The following PTGER4 variants were observed in gnomAD, a reference collection of about 807,000 sequenced individuals.
PTGER4 encodes the protein prostaglandin E2 receptor EP4 subtype.
In PTGER4, 11 loss-of-function variants were observed where a neutral mutation model predicts 33.2. The ratio of observed to expected loss-of-function variants is 0.33; its 90% CI spans 0.21 to 0.55. The LOEUF is 0.55. PTGER4 is among the 20% of genes least tolerant of loss of function. The pLI, the probability that PTGER4 is intolerant of heterozygous loss-of-function variation, is 0.92. For missense variants in PTGER4, 481 were observed against 650.2 expected, an observed-to-expected ratio of 0.74 and a Z score of 2.83; for synonymous variants, 275 against 281.5, an observed-to-expected ratio of 0.98 and a Z score of 0.23.
the PTGER4 span, among the ~76,000 whole-genome samples, chr5:40,708,882 G>T: frequency 6.6e-6 from 1 of 151,908 alleles, no homozygotes; most frequent in Admixed American, 6.6e-5. Flanking sequence ...TTCAACATAT[G>T]CAAATCAATA....
the PTGER4 span, among the ~76,000 whole-genome samples, chr5:40,704,039 A>G: frequency 2.0e-5 from 3 of 151,466 alleles, no homozygotes; most frequent in East Asian, 5.8e-4. Flanking sequence ...AAAAAAGAAA[A>G]CTTCAGGCCA....
chr5:40,725,516 T>C, the PTGER4 span, among the ~76,000 whole-genome samples: 1 of 152,152 alleles, frequency 6.6e-6, no homozygotes, highest in Non-Finnish European at 1.5e-5. Context: ...TATTGCACAT[T>C]GGCATGAAGA....
intron 2 of PTGER4, among the ~76,000 whole-genome samples, chr5:40,685,740 C>T (rs1741307737): frequency 6.6e-6 from 1 of 152,222 alleles, no homozygotes; most frequent in African/African-American, 2.4e-5. Flanking sequence ...GTTTCCCAAG[C>T]TGCAAATGAA....
At chr5:40,699,466 T>C in the PTGER4 span, among the ~76,000 whole-genome samples, 6 of 152,248 alleles carry the variant, frequency 3.9e-5, no homozygotes, top group African/African-American at 1.4e-4. Context: ...AGAAACTATA[T>C]TGAAAAGAGT....
the PTGER4 span, among the ~76,000 whole-genome samples, chr5:40,723,982 AAAAATT>A: frequency 6.6e-6 from 1 of 152,240 alleles, no homozygotes; most frequent in South Asian, 2.1e-4. Flanking sequence ...AGTTTCTTCA[AAAAATT>A]AAAATTAGAA....
the PTGER4 span, among the ~76,000 whole-genome samples, chr5:40,720,358 G>A: frequency 6.6e-6 from 1 of 152,124 alleles, no homozygotes; most frequent in Non-Finnish European, 1.5e-5. Flanking sequence ...CTGTAAAAAT[G>A]TAGGTTTATT....
At chr5:40,726,296 T>C in the PTGER4 span, among the ~76,000 whole-genome samples, 4 of 151,848 alleles carry the variant, frequency 2.6e-5, no homozygotes, top group Non-Finnish European at 5.9e-5. Flanking sequence ...CATGGAGATA[T>C]ACCCAACTAC....
the PTGER4 span, chr5:40,716,401 T>C: frequency 6.2e-7 from 1 of 1,614,020 alleles, no homozygotes; most frequent in Non-Finnish European, 8.5e-7. Flanking sequence ...TGCTACCTTC[T>C]GCTGCTCCTG....
At chr5:40,716,234 C>T in the PTGER4 span, 1 of 1,614,200 alleles carries the variant, frequency 6.2e-7, no homozygotes, top group South Asian at 1.1e-5. Context: ...GAAGCAGACA[C>T]AATAACCATT....
At chr5:40,729,496 T>A in the PTGER4 span, among the ~76,000 whole-genome samples, 1 of 152,224 alleles carries the variant, frequency 6.6e-6, no homozygotes, top group Non-Finnish European at 1.5e-5. Flanking sequence ...ACAAATGTTA[T>A]TTTTAAGCTA....
At chr5:40,712,317 T>C in the PTGER4 span, among the ~76,000 whole-genome samples, 1 of 152,182 alleles carries the variant, frequency 6.6e-6, no homozygotes, top group South Asian at 2.1e-4. Context: ...ATGTGGTTTT[T>C]AATATATCTC....
At chr5:40,684,942 G>A (rs1313690308) in intron 2 of PTGER4, among the ~76,000 whole-genome samples, 2 of 152,138 alleles carry the variant, frequency 1.3e-5, no homozygotes, top group Admixed American at 6.5e-5. Context: ...AAATATGCAA[G>A]CAAGACAGCC....
At chr5:40,725,212 C>T in the PTGER4 span, among the ~76,000 whole-genome samples, 1 of 150,106 alleles carries the variant, frequency 6.7e-6, no homozygotes, top group African/African-American at 2.5e-5. Flanking sequence ...GGTCCAAACT[C>T]CTGGCCTCAA....
At chr5:40,724,706 G>GA in the PTGER4 span, among the ~76,000 whole-genome samples, 3 of 151,558 alleles carry the variant, frequency 2.0e-5, no homozygotes, top group African/African-American at 4.8e-5. Context: ...TATTTTTCAA[G>GA]AAAAAAACTC....
chr5:40,716,495 T>C, the PTGER4 span: 3 of 1,582,046 alleles, frequency 1.9e-6, no homozygotes, highest in African/African-American at 4.1e-5. Context: ...AAACTTCGAA[T>C]TGCCTAGAAA....
At chr5:40,705,218 A>G in the PTGER4 span, among the ~76,000 whole-genome samples, 1 of 152,200 alleles carries the variant, frequency 6.6e-6, no homozygotes, top group Non-Finnish European at 1.5e-5. Flanking sequence ...AAAAGAAGCA[A>G]TGGGGAAAAG....
the PTGER4 span, among the ~76,000 whole-genome samples, chr5:40,738,544 A>AAATACAATAAAATAC: frequency 8.2e-6 from 1 of 122,020 alleles, no homozygotes; most frequent in Admixed American, 8.8e-5. Context: ...AAATACAATA[A>AAATACAATAAAATAC]AATAAAATAA....
At chr5:40,735,848 G>C in the PTGER4 span, among the ~76,000 whole-genome samples, 4 of 152,142 alleles carry the variant, frequency 2.6e-5, no homozygotes, top group African/African-American at 9.7e-5. Flanking sequence ...TGACAACATG[G>C]AGGTCACTGA....
At chr5:40,738,539 C>CAATAAAATACAATAAAATAA in the PTGER4 span, among the ~76,000 whole-genome samples, 102 of 67,410 alleles carry the variant, frequency 1.5e-3, 2 homozygotes, top group Admixed American at 3.3e-3. Flanking sequence ...CAATAAAATA[C>CAATAAAATACAATAAAATAA]AATAAAATAA....
Sources: allele counts gnomAD v4.1 joint callset (sites outside exome capture counted in the v4.1 genomes callset), GRCh38; gene constraint gnomAD v4.1.1; transcripts MANE v1.5; gene names NCBI Gene and HGNC (gene_info 2026-07-23, HGNC 2026-07-21).